The following CFAP61 variants were observed in gnomAD, a reference collection of about 807,000 sequenced individuals.
CFAP61 encodes cilia and flagella associated protein 61.
CFAP61 carries 107 observed loss-of-function variants against 135.6 expected under a neutral mutation model. The observed-to-expected ratio is 0.79, with a 90% CI of 0.67 to 0.93. The LOEUF (loss-of-function observed/expected upper bound fraction) is 0.93. CFAP61 is among the 40% of genes least tolerant of loss of function. The pLI, the probability that CFAP61 is intolerant of heterozygous loss-of-function variation, is 0.00. For synonymous variants in CFAP61, 575 were observed against 578.5 expected (o/e 0.99, Z 0.09); for missense variants, 1,507 against 1,556.2 (o/e 0.97, Z 0.53).
rs2056313939 is a variant in CFAP61 at position 20,196,668 on chromosome 20, C to T, written c.1689C>T (p.Leu563=). 2 of 1,614,002 alleles carry T rather than the reference C, an allele frequency of 1.2e-6. No individual in the cohort carries two copies. The highest frequency in any genetic ancestry group is 2.2e-5 in the South Asian group (2 of 91,078). Residue 563 remains leucine, a synonymous_variant, in exon 16 of 27, where the codon CTC becomes CTT. Coordinates refer to ENST00000245957, the MANE Select transcript of CFAP61 (RefSeq NM_015585.4). ...ACGGGCACATGCATCACTTTGCCCT[C>T]AACCCCATTTTCCGGCACTACACCA... ...EEHGHMHHFA[L]NPIFRHYTKF...
At chr20:20,088,019 A>C (rs2046929157) in intron 6 of CFAP61, among the ~76,000 whole-genome samples, 1 of 152,190 alleles carries the variant, frequency 6.6e-6, no homozygotes, top group Non-Finnish European at 1.5e-5. Context: ...CCTTTTGTAA[A>C]TTATTGCAGG....
rs552963331 is a variant in CFAP61 at position 20,098,934 on chromosome 20, T to G, written c.859+120T>G. Reference sequence around the variant, plus strand: ...TTATATTTCCTTCCCCAGTTCCCCTTAAGGAGTAGTTCCCATGGTTGGTCA... The same window carrying G: ...TTATATTTCCTTCCCCAGTTCCCCTGAAGGAGTAGTTCCCATGGTTGGTCA... On this transcript the variant is annotated intron_variant, in intron 8 of 26. Transcript: ENST00000245957. The G allele has an allele frequency of 8.7e-4, 758 of 866,560 alleles. 1 individual carries two copies. The highest frequency in any genetic ancestry group is 1.2e-3 in the Non-Finnish European group (668 of 579,618). The allele number at this position is 866,560 out of a possible 1,614,324, so 53.7% of individuals were successfully genotyped here. A position where few individuals can be genotyped will look rare whatever the true frequency, so the allele number is the denominator to read the frequency against.
At chr20:20,263,825 T>C (rs12480129) in intron 21 of CFAP61, among the ~76,000 whole-genome samples, 2,284 of 152,250 alleles carry the variant, frequency 0.015, 25 homozygotes, top group Middle Eastern at 0.037. Context: ...CCCTTTCTTT[T>C]GCCTAAAAGT....
intron 25 of CFAP61, among the ~76,000 whole-genome samples, chr20:20,314,628 T>G (rs866310715): frequency 2.8e-5 from 4 of 144,570 alleles, no homozygotes; most frequent in African/African-American, 1.0e-4. Context: ...GCTGGTGGGC[T>G]GCACCCACTA....
At chr20:20,112,989 C>G (rs2048901770) in intron 8 of CFAP61, among the ~76,000 whole-genome samples, 1 of 152,080 alleles carries the variant, frequency 6.6e-6, no homozygotes, top group Non-Finnish European at 1.5e-5. Context: ...GTCCTCTTGT[C>G]TTTAATTTCT....
intron 25 of CFAP61, among the ~76,000 whole-genome samples, chr20:20,338,369 G>A (rs1347119799): frequency 5.3e-5 from 8 of 152,226 alleles, no homozygotes; most frequent in East Asian, 3.8e-4. Flanking sequence ...CTCTGTAGGC[G>A]TGAGTGTCAG....
chr20:20,265,553 A>C, intron 21 of CFAP61: 1 of 773,470 alleles, frequency 1.3e-6, no homozygotes, highest in South Asian at 1.4e-5. Flanking sequence ...AGCCATTTGG[A>C]GTGCCTGCTT....
intron 13 of CFAP61, among the ~76,000 whole-genome samples, chr20:20,171,231 C>T (rs2146826221): frequency 6.6e-6 from 1 of 152,272 alleles, no homozygotes; most frequent in South Asian, 2.1e-4. Flanking sequence ...AGAGTGACCC[C>T]TAAACACAAC....
At position 20,096,972 on chromosome 20, in the gene CFAP61, C is replaced by T. The variant is rs139494610; in HGVS notation, c.700-1683C>T. ...ATGAAAAAATTAATTTTTAAAAATT[C>T]CCCTCATATTTCAGTATTGAGAAGA... is the stretch of plus-strand genomic sequence containing the variant. On this transcript the variant is annotated intron_variant, in intron 7 of 26. Transcript: ENST00000245957. Among the ~76,000 whole-genome samples the T allele has an allele frequency of 3.2e-3, 482 of 152,172 alleles. 4 individuals carry two copies. Among genetic ancestry groups the T allele is most frequent in the African/African-American group, 0.011 (461 of 41,508 alleles).
intron 16 of CFAP61, among the ~76,000 whole-genome samples, chr20:20,197,639 C>T (rs184037676): frequency 2.0e-5 from 3 of 152,162 alleles, no homozygotes; most frequent in East Asian, 1.9e-4. Context: ...CTCCCCCACA[C>T]GCACACACTC....
chr20:20,303,705 G>A (rs1173492014), intron 25 of CFAP61, among the ~76,000 whole-genome samples: 1 of 152,106 alleles, frequency 6.6e-6, no homozygotes, highest in Non-Finnish European at 1.5e-5. Flanking sequence ...TCCTGACCTT[G>A]GCAGCATCAG....
chr20:20,195,934 AGCC>A (rs911373102), intron 15 of CFAP61, among the ~76,000 whole-genome samples: 1 of 152,094 alleles, frequency 6.6e-6, no homozygotes, highest in African/African-American at 2.4e-5. Flanking sequence ...CAAAAAAATT[AGCC>A]AGGCGTGATG....
At chr20:20,080,186 G>A (rs1196583817) in intron 6 of CFAP61, among the ~76,000 whole-genome samples, 2 of 151,892 alleles carry the variant, frequency 1.3e-5, no homozygotes, top group Admixed American at 1.3e-4. Flanking sequence ...ATTTTTCTGT[G>A]TATGTAACTA....
At chr20:20,124,172 TCTC>T (rs2049900670) in intron 8 of CFAP61, among the ~76,000 whole-genome samples, 1 of 151,596 alleles carries the variant, frequency 6.6e-6, no homozygotes, top group East Asian at 1.9e-4. Context: ...TAAACAATCA[TCTC>T]ATTGGTAAAC....
At chr20:20,333,856 A>C (rs368073862) in intron 25 of CFAP61, among the ~76,000 whole-genome samples, 14 of 152,160 alleles carry the variant, frequency 9.2e-5, no homozygotes, top group African/African-American at 3.4e-4. Context: ...CAAAGGACCT[A>C]AAGGAAAACT....
chr20:20,115,396 A>G (rs2146679193), intron 8 of CFAP61, among the ~76,000 whole-genome samples: 1 of 151,990 alleles, frequency 6.6e-6, no homozygotes, highest in East Asian at 1.9e-4. Context: ...TGTAATTGGG[A>G]TATTCATCAC....
intron 8 of CFAP61, among the ~76,000 whole-genome samples, chr20:20,114,988 A>G (rs1029671789): frequency 1.3e-5 from 2 of 152,210 alleles, no homozygotes; most frequent in South Asian, 2.1e-4. Context: ...TGAAATGATC[A>G]TATGATTCTT....
intron 1 of CFAP61, among the ~76,000 whole-genome samples, chr20:20,053,868 C>G (rs1022421134): frequency 2.0e-5 from 3 of 152,004 alleles, no homozygotes; most frequent in African/African-American, 7.2e-5. Context: ...ATTGATTTAC[C>G]AAATGAATCA....
intron 9 of CFAP61, among the ~76,000 whole-genome samples, chr20:20,154,124 G>A (rs1167674948): frequency 6.6e-6 from 1 of 151,890 alleles, no homozygotes; most frequent in Non-Finnish European, 1.5e-5. Flanking sequence ...CATCTCAAAA[G>A]ACACAGAGAA....
Sources: allele counts gnomAD v4.1 joint callset (sites outside exome capture counted in the v4.1 genomes callset), GRCh38; gene constraint gnomAD v4.1.1; transcripts MANE v1.5; gene names NCBI Gene and HGNC (gene_info 2026-07-23, HGNC 2026-07-21).